The following PITPNC1 variants were observed in gnomAD, a reference collection of about 807,000 sequenced individuals.
The protein encoded by PITPNC1 is cytoplasmic phosphatidylinositol transfer protein 1.
A neutral mutation model predicts 44.7 loss-of-function variants in PITPNC1; 18 were observed. The observed-to-expected ratio is 0.40, with a 90% CI of 0.28 to 0.60. The LOEUF is 0.60. PITPNC1 is among the 20% of genes least tolerant of loss of function. The probability of loss-of-function intolerance (pLI) is 0.39; values close to 1 mark genes in which losing one functional copy is unlikely to be tolerated. For missense variants in PITPNC1, 290 were observed against 418.4 expected (o/e 0.69, Z 2.68); for synonymous variants, 141 against 149.6 (o/e 0.94, Z 0.42).
chr17:67,453,801 T>C (rs1258587287), intron 1 of PITPNC1, among the ~76,000 whole-genome samples: 1 of 152,232 alleles, frequency 6.6e-6, no homozygotes, highest in Admixed American at 6.5e-5. Flanking sequence ...TCAGAGTTAA[T>C]GTTTCCTATC....
chr17:67,518,651 AC>A (rs1270449635), intron 1 of PITPNC1, among the ~76,000 whole-genome samples: 2 of 152,196 alleles, frequency 1.3e-5, no homozygotes. Flanking sequence ...AAAAAAACAA[AC>A]AAACAAACAA....
intron 1 of PITPNC1, chr17:67,524,523 C>T (rs1044672900): frequency 3.3e-5 from 5 of 150,710 alleles, no homozygotes; most frequent in Middle Eastern, 6.8e-3. Context: ...ACCCAGTATA[C>T]AAAAATATCA....
intron 7 of PITPNC1, among the ~76,000 whole-genome samples, chr17:67,674,742 G>A (rs767315734): frequency 7.9e-5 from 12 of 151,928 alleles, no homozygotes; most frequent in South Asian, 2.1e-4. Context: ...GGCCAGGTGC[G>A]GTGGCTCACA....
At chr17:67,449,895 G>C (rs2039152415) in intron 1 of PITPNC1, among the ~76,000 whole-genome samples, 1 of 152,178 alleles carries the variant, frequency 6.6e-6, no homozygotes, top group Non-Finnish European at 1.5e-5. Context: ...TCACTATGTT[G>C]CTCAGGCTGG....
chr17:67,569,823 T>G (rs1461636359), intron 4 of PITPNC1, among the ~76,000 whole-genome samples: 1 of 152,170 alleles, frequency 6.6e-6, no homozygotes, highest in Non-Finnish European at 1.5e-5. Flanking sequence ...TGTAATTAAG[T>G]GAATATTTTC....
rs1452199840 is a variant in PITPNC1 at position 67,393,124 on chromosome 17, C to T, written c.48+14922C>T. ...CAGCCTGGGCTACAGAGCAAGACTC[C>T]ACCTCAAAAAAAAAAAAAAAGCAGA... On this transcript the variant is annotated intron_variant, in intron 1 of 8. Coordinates refer to ENST00000581322, the MANE Select transcript of PITPNC1 (RefSeq NM_012417.4). Among the ~76,000 whole-genome samples the T allele has an allele frequency of 5.4e-5, 8 of 147,994 alleles. No individual in the cohort carries two copies. In the East Asian group the frequency reaches 1.6e-3, roughly 29 times the overall value.
chr17:67,618,965 C>T (rs1250461010), intron 5 of PITPNC1, among the ~76,000 whole-genome samples: 3 of 148,400 alleles, frequency 2.0e-5, no homozygotes, highest in Admixed American at 6.7e-5. Context: ...AGGCTGAGGC[C>T]GAAGAATGGC....
chr17:67,378,313 C>G, intron 1 of PITPNC1, 111 bp downstream of exon 1: 9 of 612,608 alleles, frequency 1.5e-5, no homozygotes, highest in East Asian at 3.5e-5. Context: ...TGGACGTTAC[C>G]CCGCAAACCC....
At chr17:67,472,882 AT>A (rs113115701) in intron 1 of PITPNC1, among the ~76,000 whole-genome samples, 321 of 144,100 alleles carry the variant, frequency 2.2e-3, no homozygotes, top group Admixed American at 1.9e-3. Context: ...TTAATGTGGT[AT>A]TTTTTTTTTT....
At chr17:67,432,342 G>C in intron 1 of PITPNC1, among the ~76,000 whole-genome samples, 1 of 152,076 alleles carries the variant, frequency 6.6e-6, no homozygotes, top group Non-Finnish European at 1.5e-5. Context: ...ACAAAAATTA[G>C]CCGGGCGTGG....
At chr17:67,467,252 C>T (rs1257871209) in intron 1 of PITPNC1, among the ~76,000 whole-genome samples, 1 of 151,860 alleles carries the variant, frequency 6.6e-6, no homozygotes, top group Non-Finnish European at 1.5e-5. Context: ...TGGGGTTTCA[C>T]CATGTTGGCC....
chr17:67,631,489 C>T (rs1434951017), intron 5 of PITPNC1, among the ~76,000 whole-genome samples: 50 of 137,768 alleles, frequency 3.6e-4, no homozygotes, highest in Non-Finnish European at 5.2e-4. Context: ...ATTAGCCGGG[C>T]GTGGTGGTGG....
intron 1 of PITPNC1, among the ~76,000 whole-genome samples, chr17:67,426,672 A>G (rs1326139551): frequency 6.6e-6 from 1 of 152,210 alleles, no homozygotes; most frequent in Non-Finnish European, 1.5e-5. Context: ...CCACCATGGC[A>G]CACATATACC....
intron 8 of PITPNC1, chr17:67,687,060 T>C: frequency 6.4e-7 from 1 of 1,557,518 alleles, no homozygotes; most frequent in Non-Finnish European, 8.9e-7. Flanking sequence ...TCTTGACCTC[T>C]TTCAGATATG....
At chr17:67,483,341 C>T (rs2039729093) in intron 1 of PITPNC1, among the ~76,000 whole-genome samples, 1 of 152,232 alleles carries the variant, frequency 6.6e-6, no homozygotes, top group South Asian at 2.1e-4. Flanking sequence ...TTACTTCTTC[C>T]AAAAGTACAA....
chr17:67,640,891 G>A (rs1490872572), intron 6 of PITPNC1, among the ~76,000 whole-genome samples: 1 of 152,074 alleles, frequency 6.6e-6, no homozygotes, highest in Non-Finnish European at 1.5e-5. Context: ...TCCGGAGGCT[G>A]AGGCAGGAGA....
intron 1 of PITPNC1, among the ~76,000 whole-genome samples, chr17:67,464,816 C>T (rs527744347): frequency 1.3e-5 from 2 of 151,964 alleles, no homozygotes; most frequent in African/African-American, 4.8e-5. Context: ...CTCCTCTCAC[C>T]GCAATGTCTG....
At chr17:67,406,832 C>T (rs946795604) in intron 1 of PITPNC1, among the ~76,000 whole-genome samples, 1 of 152,130 alleles carries the variant, frequency 6.6e-6, no homozygotes, top group African/African-American at 2.4e-5. Flanking sequence ...GGTGATCCAT[C>T]CACCTCATCC....
intron 1 of PITPNC1, among the ~76,000 whole-genome samples, chr17:67,486,696 T>G (rs923955257): frequency 6.6e-6 from 1 of 152,086 alleles, no homozygotes; most frequent in Non-Finnish European, 1.5e-5. Context: ...TAACGAGGAA[T>G]GTGGTTGACT....
Sources: gnomAD v4.1 joint callset for allele counts (sites outside exome capture counted in the v4.1 genomes callset) on GRCh38, gnomAD v4.1.1 for gene constraint, MANE v1.5 for transcripts, NCBI Gene and HGNC (gene_info 2026-07-23, HGNC 2026-07-21) for gene names.